The following ANGPT1 variants were observed in gnomAD, a reference collection of about 807,000 sequenced individuals.
ANGPT1 encodes angiopoietin-1.
In ANGPT1, 17 loss-of-function variants were observed where a neutral mutation model predicts 62.2. The observed-to-expected ratio is 0.27, with a 90% CI of 0.19 to 0.41. The LOEUF (loss-of-function observed/expected upper bound fraction) is 0.41. ANGPT1 is among the 10% of genes least tolerant of loss of function. The pLI is 1.00. For missense variants in ANGPT1, 478 were observed against 594.9 expected (o/e 0.80, Z 2.04); for synonymous variants, 199 against 198.9 (o/e 1.00, Z 0.00).
chr8:107,447,092 C>A lies in ANGPT1; in HGVS notation c.297+50170G>T, dbSNP rs188391847. Among the ~76,000 whole-genome samples the A allele has an allele frequency of 3.7e-4, 57 of 152,292 alleles. 1 individual carries two copies. In the South Asian group the frequency reaches 8.9e-3, roughly 24 times the overall value. On this transcript the variant is annotated intron_variant, in intron 1 of 8. Transcript: ENST00000517746. ...TACCTTCAAAACATTTGAAATCTGA[C>A]CACTTCTATTTCTACTGCGACCACC...
intron 7 of ANGPT1, among the ~76,000 whole-genome samples, chr8:107,277,776 G>C (rs548326926): frequency 3.4e-4 from 52 of 152,204 alleles, no homozygotes; most frequent in African/African-American, 1.2e-3. Context: ...GATAAGCCCA[G>C]AAAGAGCTGT....
chr8:107,348,468 C>A (rs940612711), intron 1 of ANGPT1, among the ~76,000 whole-genome samples: 1 of 152,150 alleles, frequency 6.6e-6, no homozygotes, highest in African/African-American at 2.4e-5. Flanking sequence ...TTAATACATT[C>A]TAAATTCATT....
At chr8:107,401,781 T>C (rs907373240) in intron 1 of ANGPT1, among the ~76,000 whole-genome samples, 1 of 152,212 alleles carries the variant, frequency 6.6e-6, no homozygotes, top group Non-Finnish European at 1.5e-5. Context: ...GGATATAAGA[T>C]GTGTGATGTT....
chr8:107,322,174 CA>C (rs750166134), intron 3 of ANGPT1, 46 bp from the exon 4 acceptor site: 16 of 1,355,094 alleles, frequency 1.2e-5, no homozygotes, highest in Admixed American at 9.3e-5. Flanking sequence ...AAATGTTATA[CA>C]AAAAAACCCT....
At chr8:107,404,007 C>T (rs1234630092) in intron 1 of ANGPT1, among the ~76,000 whole-genome samples, 1 of 152,130 alleles carries the variant, frequency 6.6e-6, no homozygotes, top group Non-Finnish European at 1.5e-5. Flanking sequence ...AAATAAAGGG[C>T]TGTTGCAACT....
chr8:107,393,293 G>C (rs187284224), intron 1 of ANGPT1, among the ~76,000 whole-genome samples: 5 of 152,162 alleles, frequency 3.3e-5, no homozygotes, highest in Admixed American at 6.5e-5. Context: ...GGGCTTGAGA[G>C]GGGGAGAGGG....
In ANGPT1 at chr8:107,257,953, TCTTTC is replaced by T. The variant is rs754554426; in HGVS notation, c.1337-5943_1337-5939del. Among the ~76,000 whole-genome samples the T allele has an allele frequency of 1.8e-3, 270 of 150,488 alleles. 2 individuals carry two copies. The Middle Eastern group carries it at 0.031, about 17-fold the overall frequency. ...CTCTCTCTCTCTCTCTCTCTTTCTT[TCTTTC>T]CTTTCTTTCCTTTCTTCTTTCTTTC... On this transcript the variant is annotated intron_variant, in intron 8 of 8. Transcript: ENST00000517746.
At chr8:107,304,191 T>A (rs1056338389) in intron 4 of ANGPT1, among the ~76,000 whole-genome samples, 2 of 115,664 alleles carry the variant, frequency 1.7e-5, no homozygotes, top group Non-Finnish European at 3.9e-5. Flanking sequence ...TTAGAGACTG[T>A]CTCTACTGAG....
chr8:107,261,090 T>G (rs2514879), intron 8 of ANGPT1, among the ~76,000 whole-genome samples: 133,546 of 152,160 alleles, frequency 0.88, 58,659 homozygotes, highest in Middle Eastern at 0.92. Context: ...AAAAATATCT[T>G]TGAAAATAGA....
intron 1 of ANGPT1, among the ~76,000 whole-genome samples, chr8:107,425,151 G>A (rs370997881): frequency 2.4e-4 from 37 of 152,342 alleles, no homozygotes; most frequent in Middle Eastern, 3.4e-3. Context: ...GGGATTACAG[G>A]CATGAGCCGC....
chr8:107,375,305 T>G (rs1380843844), intron 1 of ANGPT1, among the ~76,000 whole-genome samples: 3 of 152,228 alleles, frequency 2.0e-5, no homozygotes, highest in Admixed American at 6.5e-5. Flanking sequence ...AGTTAGTATT[T>G]TTTTAAAAAA....
chr8:107,396,405 A>G (rs1586287421), intron 1 of ANGPT1, among the ~76,000 whole-genome samples: 1 of 152,162 alleles, frequency 6.6e-6, no homozygotes, highest in Non-Finnish European at 1.5e-5. Flanking sequence ...TAGGTAAACC[A>G]AAATTATCTT....
intron 8 of ANGPT1, 106 bp downstream of exon 8, chr8:107,264,115 C>G: frequency 1.5e-6 from 2 of 1,364,870 alleles, no homozygotes; most frequent in Admixed American, 2.6e-5. Context: ...TAGGGACTTG[C>G]TCTTAAGTTT....
intron 4 of ANGPT1, among the ~76,000 whole-genome samples, chr8:107,306,262 T>G (rs925291772): frequency 1.2e-4 from 19 of 152,194 alleles, no homozygotes; most frequent in African/African-American, 4.1e-4. Flanking sequence ...GTTGACTAGT[T>G]ATATTTAGGA....
At chr8:107,394,811 T>G (rs1816903731) in intron 1 of ANGPT1, among the ~76,000 whole-genome samples, 1 of 152,174 alleles carries the variant, frequency 6.6e-6, no homozygotes, top group Admixed American at 6.5e-5. Context: ...ATTTTTGTAC[T>G]CATTATTTGG....
At chr8:107,369,302 C>T (rs1276046578) in intron 1 of ANGPT1, among the ~76,000 whole-genome samples, 4 of 152,180 alleles carry the variant, frequency 2.6e-5, no homozygotes, top group Non-Finnish European at 1.5e-5. Context: ...CTCTCTCAGC[C>T]TTCATAGAAT....
At chr8:107,321,038 A>G (rs547745329) in intron 4 of ANGPT1, among the ~76,000 whole-genome samples, 1 of 152,184 alleles carries the variant, frequency 6.6e-6, no homozygotes, top group African/African-American at 2.4e-5. Flanking sequence ...CTTCATTCAG[A>G]GAAAGGCTGA....
chr8:107,360,558 C>A (rs1032672721), intron 1 of ANGPT1, among the ~76,000 whole-genome samples: 3 of 152,162 alleles, frequency 2.0e-5, no homozygotes, highest in Non-Finnish European at 4.4e-5. Flanking sequence ...GTTTGACTAG[C>A]ACATTATTTT....
At chr8:107,257,870 G>GTTTTTTTTTTTTTTTTTTTTTT (rs750634420) in intron 8 of ANGPT1, among the ~76,000 whole-genome samples, 8 of 45,236 alleles carry the variant, frequency 1.8e-4, no homozygotes, top group South Asian at 8.1e-4. Flanking sequence ...CCAAGGACTT[G>GTTTTTTTTTTTTTTTTTTTTTT]TTTTTGTTTC....
Sources: allele counts gnomAD v4.1 joint callset (sites outside exome capture counted in the v4.1 genomes callset), GRCh38; gene constraint gnomAD v4.1.1; transcripts MANE v1.5; gene names NCBI Gene and HGNC (gene_info 2026-07-23, HGNC 2026-07-21).